SPECC1: variants seen among roughly 807,000 people sequenced by gnomAD.
SPECC1 encodes cytospin-B.
In SPECC1, 62 loss-of-function variants were observed where a neutral mutation model predicts 104.1. That is an observed-to-expected ratio of 0.60 (90% CI 0.49 to 0.74). The LOEUF is 0.74. SPECC1 is among the 30% of genes least tolerant of loss of function. The pLI is 0.00. For missense variants in SPECC1, 1,306 were observed against 1,310.5 expected, an observed-to-expected ratio of 1.00 and a Z score of 0.05; for synonymous variants, 513 against 501.6, an observed-to-expected ratio of 1.02 and a Z score of -0.30.
chr17:20,218,682 ATGGGG>A (rs2037665965), intron 4 of SPECC1, among the ~76,000 whole-genome samples: 1 of 151,516 alleles, frequency 6.6e-6, no homozygotes, highest in African/African-American at 2.4e-5. Flanking sequence ...ATATATATTT[ATGGGG>A]TACCTGAGAT....
chr17:20,191,230 T>C (rs912018644), intron 3 of SPECC1, among the ~76,000 whole-genome samples: 1 of 152,200 alleles, frequency 6.6e-6, no homozygotes, highest in Non-Finnish European at 1.5e-5. Context: ...TTTGACTCAT[T>C]TGGCTAAATA....
chr17:20,148,356 C>T lies in SPECC1; in HGVS notation c.283+37794C>T, dbSNP rs183529156. Among the ~76,000 whole-genome samples the T allele has an allele frequency of 1.7e-3, 254 of 152,202 alleles. 1 individual carries two copies. Among genetic ancestry groups the T allele is most frequent in the Admixed American group, 5.4e-3 (83 of 15,284 alleles). ...CTGGGCTCAAGTGGTTCTCCCACCT[C>T]AGCCTCCCGAGTAACTGGGACTACA... On this transcript the variant is annotated intron_variant, in intron 3 of 14. Transcript: ENST00000395527.
At chr17:20,042,076 A>G (rs993016323) in intron 1 of SPECC1, among the ~76,000 whole-genome samples, 4 of 152,086 alleles carry the variant, frequency 2.6e-5, no homozygotes, top group Non-Finnish European at 4.4e-5. Context: ...GAAAACTTCA[A>G]CGATTTGGGT....
intron 4 of SPECC1, among the ~76,000 whole-genome samples, chr17:20,222,383 C>A (rs573945271): frequency 2.0e-5 from 3 of 152,082 alleles, no homozygotes; most frequent in Admixed American, 6.6e-5. Flanking sequence ...TGTGGTCTCT[C>A]CTTGAGAAGA....
intron 2 of SPECC1, among the ~76,000 whole-genome samples, chr17:20,105,838 C>A (rs1247837189): frequency 6.6e-6 from 1 of 152,184 alleles, no homozygotes; most frequent in Non-Finnish European, 1.5e-5. Flanking sequence ...GGGGGCAGGG[C>A]AAGCTCTACC....
chr17:20,276,076 A>G (rs1297548897), intron 12 of SPECC1, among the ~76,000 whole-genome samples: 1 of 151,926 alleles, frequency 6.6e-6, no homozygotes, highest in Non-Finnish European at 1.5e-5. Context: ...TTTTGCATTT[A>G]TGTTATTTGC....
intron 3 of SPECC1, among the ~76,000 whole-genome samples, chr17:20,187,974 A>T (rs1009952919): frequency 6.6e-6 from 1 of 152,192 alleles, no homozygotes; most frequent in Non-Finnish European, 1.5e-5. Flanking sequence ...TCAGAACTGG[A>T]ATCGGTGTGT....
chr17:20,283,472 T>G (rs867554050), intron 12 of SPECC1, among the ~76,000 whole-genome samples: 21 of 152,336 alleles, frequency 1.4e-4, no homozygotes, highest in African/African-American at 4.6e-4. Flanking sequence ...GTGAAAATGA[T>G]ATTTTACCGT....
chr17:20,300,094 C>A (rs150750427), intron 13 of SPECC1, among the ~76,000 whole-genome samples: 1 of 152,322 alleles, frequency 6.6e-6, no homozygotes, highest in Non-Finnish European at 1.5e-5. Context: ...CCATGTTGGA[C>A]AGCATGGGCA....
At chr17:20,288,877 C>T (rs1047802160) in intron 12 of SPECC1, among the ~76,000 whole-genome samples, 6 of 149,928 alleles carry the variant, frequency 4.0e-5, no homozygotes, top group African/African-American at 1.5e-4. Flanking sequence ...TCCGCCCCCC[C>T]GGGTTCAAGT....
intron 1 of SPECC1, among the ~76,000 whole-genome samples, chr17:20,064,350 T>A (rs1253686749): frequency 2.0e-5 from 3 of 152,224 alleles, no homozygotes; most frequent in African/African-American, 7.2e-5. Flanking sequence ...CTTCAGACTC[T>A]CTGGGACTCT....
rs2047238743 is a variant in SPECC1, at chr17:20,087,905, A to G, written c.-21-8726A>G. ...AGAGAGTATAAGAAAGACGCCTCCT[A>G]GAGGAAGCACCTTGGAGCAGAGACT... On this transcript the variant is annotated intron_variant, in intron 1 of 14. Coordinates refer to ENST00000395527, the MANE Select transcript of SPECC1 (RefSeq NM_001243439.2). Among the ~76,000 whole-genome samples, 5 of 152,126 alleles carry G rather than the reference A, an allele frequency of 3.3e-5. No individual in the cohort carries two copies. The South Asian group carries it at 1.0e-3, about 31-fold the overall frequency.
At chr17:20,093,702 T>G (rs2047504970) in intron 1 of SPECC1, among the ~76,000 whole-genome samples, 2 of 148,150 alleles carry the variant, frequency 1.3e-5, no homozygotes, top group South Asian at 2.1e-4. Context: ...ATATTGTGGG[T>G]TTTTTGTTTT....
chr17:20,125,087 G>A (rs2049224562), intron 3 of SPECC1, among the ~76,000 whole-genome samples: 1 of 152,204 alleles, frequency 6.6e-6, no homozygotes, highest in African/African-American at 2.4e-5. Flanking sequence ...GGCTGAGGCA[G>A]GAGAATGGCG....
chr17:20,238,550 G>T, intron 7 of SPECC1: 1 of 1,042,810 alleles, frequency 9.6e-7, no homozygotes. Context: ...AACTCAGGAA[G>T]ATCTTTTGGG....
intron 3 of SPECC1, among the ~76,000 whole-genome samples, chr17:20,120,568 A>G (rs935693310): frequency 1.3e-5 from 2 of 152,358 alleles, no homozygotes; most frequent in East Asian, 3.9e-4. Context: ...TTCTTTTCAC[A>G]GGAAATCAAC....
intron 12 of SPECC1, among the ~76,000 whole-genome samples, chr17:20,260,746 A>G (rs1489246307): frequency 6.6e-6 from 1 of 152,198 alleles, no homozygotes; most frequent in African/African-American, 2.4e-5. Context: ...CCTTGAAATG[A>G]GCTGGTAGGG....
chr17:20,238,254 C>T lies in SPECC1; in HGVS notation c.2351+5849C>T, dbSNP rs563005973. 1.2e-5 allele frequency: 13 copies of T among 1,041,160 alleles called. No individual in the cohort carries two copies. In the African/African-American group the frequency reaches 2.0e-4, roughly 16 times the overall value. 64.5% of individuals were successfully genotyped at this position (1,041,160 alleles called of 1,614,324 possible). ...CTAATGGAAAACGATTGAATGACAA[C>T]TACACCAAAGTTTCATGGATGAAAC... On this transcript the variant is annotated intron_variant, in intron 7 of 14. Coordinates refer to ENST00000395527, the MANE Select transcript of SPECC1 (RefSeq NM_001243439.2).
chr17:20,222,511 T>C (rs71369461), intron 4 of SPECC1, among the ~76,000 whole-genome samples: 2 of 152,246 alleles, frequency 1.3e-5, no homozygotes, highest in East Asian at 3.8e-4. Flanking sequence ...TATTTCTTTG[T>C]TGATTTTCTG....
Sources: gnomAD v4.1 joint callset for allele counts (sites outside exome capture counted in the v4.1 genomes callset) on GRCh38, gnomAD v4.1.1 for gene constraint, MANE v1.5 for transcripts, NCBI Gene and HGNC (gene_info 2026-07-23, HGNC 2026-07-21) for gene names.